The following DIP2B variants were observed in gnomAD, a reference collection of about 807,000 sequenced individuals.
The protein encoded by DIP2B is DIP2 acetate--CoA ligase B (putative), also known as disco-interacting protein 2 homolog B.
Under a neutral mutation model 198.0 loss-of-function variants are expected in DIP2B, and 76 were observed. The ratio of observed to expected loss-of-function variants is 0.38; its 90% CI spans 0.32 to 0.46. DIP2B has a LOEUF of 0.46. Ranked by LOEUF, DIP2B falls within the 20% of genes least tolerant of loss-of-function variation. The probability of loss-of-function intolerance (pLI) is 0.99; values close to 1 mark genes in which losing one functional copy is unlikely to be tolerated. For missense variants in DIP2B, 1,559 were observed against 1,978.4 expected, an observed-to-expected ratio of 0.79 and a Z score of 4.02; for synonymous variants, 701 against 739.1, an observed-to-expected ratio of 0.95 and a Z score of 0.84.
At chr12:50,682,990 C>A in intron 9 of DIP2B, 148 bp from the exon 10 acceptor site, 1 of 645,074 alleles carries the variant, frequency 1.6e-6, no homozygotes, top group Non-Finnish European at 2.5e-6. Context: ...GTCTCTATCT[C>A]AGTAACTTAA....
chr12:50,512,984 G>A (rs2139341720), intron 1 of DIP2B, among the ~76,000 whole-genome samples: 1 of 152,310 alleles, frequency 6.6e-6, no homozygotes, highest in Admixed American at 6.5e-5. Flanking sequence ...TCCAGCCTGG[G>A]CGACAGAGCG....
In DIP2B at chr12:50,627,176, C is replaced by T. The variant is rs115476984; in HGVS notation, c.172+1129C>T. Among the ~76,000 whole-genome samples, 1,082 of 152,214 alleles carry T rather than the reference C, an allele frequency of 7.1e-3. 16 individuals carry two copies. The highest frequency in any genetic ancestry group is 0.025 in the African/African-American group (1,042 of 41,532). ...GATTTGCTGCTTATTGTGGATCTGG[C>T]CCATGCCTCTGAAGGCCCAGAGATT... On this transcript the variant is annotated intron_variant, in intron 2 of 37. Coordinates refer to ENST00000301180, the MANE Select transcript of DIP2B (RefSeq NM_173602.3).
At chr12:50,523,671 A>G (rs1422174190) in intron 1 of DIP2B, among the ~76,000 whole-genome samples, 1 of 152,220 alleles carries the variant, frequency 6.6e-6, no homozygotes, top group Non-Finnish European at 1.5e-5. Context: ...TTCTAAAGTT[A>G]CTGTATTCAA....
At chr12:50,563,963 C>T (rs1457932948) in intron 1 of DIP2B, among the ~76,000 whole-genome samples, 1 of 151,998 alleles carries the variant, frequency 6.6e-6, no homozygotes, top group African/African-American at 2.4e-5. Flanking sequence ...TTGGTCTGTG[C>T]AAGTCCTCTC....
intron 10 of DIP2B, among the ~76,000 whole-genome samples, chr12:50,683,831 A>G (rs1376008787): frequency 1.3e-5 from 2 of 151,130 alleles, no homozygotes; most frequent in East Asian, 3.9e-4. Context: ...CACTGGGGCA[A>G]CTGGACATGG....
chr12:50,589,829 A>G (rs1177868522), intron 1 of DIP2B, among the ~76,000 whole-genome samples: 1 of 152,154 alleles, frequency 6.6e-6, no homozygotes, highest in Admixed American at 6.5e-5. Context: ...AAATTAAGAG[A>G]GGTTAAGAGA....
At chr12:50,742,831 G>A (rs1456067202) in intron 37 of DIP2B, among the ~76,000 whole-genome samples, 2 of 152,118 alleles carry the variant, frequency 1.3e-5, no homozygotes, top group Non-Finnish European at 2.9e-5. Flanking sequence ...GGGAGGCGGA[G>A]GTTGCAATGG....
chr12:50,562,153 A>C (rs537186325), intron 1 of DIP2B, among the ~76,000 whole-genome samples: 5 of 152,278 alleles, frequency 3.3e-5, no homozygotes, highest in Admixed American at 1.3e-4. Context: ...CAGGCTTTGG[A>C]ATACAAAGAG....
rs1938986913 is a variant in DIP2B, at chr12:50,678,595, G to A, written c.917-84G>A. The A allele has an allele frequency of 2.9e-6, 4 of 1,394,340 alleles. No individual in the cohort carries two copies. The Admixed American group carries it at 8.6e-5, about 30-fold the overall frequency. The allele number at this position is 1,394,340 out of a possible 1,614,324, so 86.4% of individuals were successfully genotyped here. A position where few individuals can be genotyped will look rare whatever the true frequency, so the allele number is the denominator to read the frequency against. On this transcript the variant is annotated intron_variant, in intron 7 of 37. Coordinates refer to ENST00000301180, the MANE Select transcript of DIP2B (RefSeq NM_173602.3). ...AAACCAGGTAAATATGAAGTGAAAA[G>A]GAAGATGCAGTTGAGATTAGAGACC...
chr12:50,597,013 T>C (rs781717947), intron 1 of DIP2B, among the ~76,000 whole-genome samples: 6 of 152,186 alleles, frequency 3.9e-5, no homozygotes, highest in Non-Finnish European at 5.9e-5. Context: ...ATAATTTAGT[T>C]TTTTTGTTAT....
chr12:50,564,789 T>C (rs1958549155), intron 1 of DIP2B, among the ~76,000 whole-genome samples: 1 of 152,188 alleles, frequency 6.6e-6, no homozygotes, highest in African/African-American at 2.4e-5. Context: ...TGAGTAGGGC[T>C]TAATTTTGAT....
intron 1 of DIP2B, among the ~76,000 whole-genome samples, chr12:50,592,589 T>A (rs1175323941): frequency 6.6e-6 from 1 of 152,176 alleles, no homozygotes; most frequent in African/African-American, 2.4e-5. Context: ...GCAATTCTCC[T>A]GCCTCAGCCT....
At chr12:50,620,652 A>G (rs1179147749) in intron 1 of DIP2B, among the ~76,000 whole-genome samples, 1 of 152,200 alleles carries the variant, frequency 6.6e-6, no homozygotes, top group Non-Finnish European at 1.5e-5. Context: ...AAACTTGAAC[A>G]ACAGGTTTAC....
chr12:50,647,996 T>G (rs959924916), intron 3 of DIP2B, among the ~76,000 whole-genome samples: 7 of 151,994 alleles, frequency 4.6e-5, no homozygotes, highest in Non-Finnish European at 4.4e-5. Context: ...GTACCAGCTA[T>G]GCGAGAGACT....
At position 50,746,190 on chromosome 12, in the gene DIP2B, A is replaced by G. The variant is rs1940338956; in HGVS notation, c.*1351A>G. 1 of 152,242 alleles carries G rather than the reference A, an allele frequency of 6.6e-6. No homozygotes were observed. Among genetic ancestry groups the G allele is most frequent in the African/African-American group, 2.4e-5 (1 of 41,464 alleles). 9.4% of individuals were successfully genotyped at this position (152,242 alleles called of 1,614,324 possible). ...TTTCCTTTCTTTGGTCTGATACTTC[A>G]TGTATTTGAATATAGTTAAATCGTA... On this transcript the variant is annotated 3_prime_UTR_variant, in exon 38 of 38. Transcript: ENST00000301180.
intron 22 of DIP2B, among the ~76,000 whole-genome samples, chr12:50,711,342 A>G (rs1939610600): frequency 6.6e-6 from 1 of 152,202 alleles, no homozygotes; most frequent in South Asian, 2.1e-4. Context: ...TTCTAAGGAA[A>G]GGCAGTTAGT....
At chr12:50,697,006 T>G in intron 16 of DIP2B, 55 bp from the exon 17 acceptor site, 1 of 1,328,596 alleles carries the variant, frequency 7.5e-7, no homozygotes. Context: ...ACCATTTTCC[T>G]ACAGTAATGA....
intron 1 of DIP2B, among the ~76,000 whole-genome samples, chr12:50,589,988 C>CTCTCTCTCTCTCACTTTCTCTG (rs2139428307): frequency 6.6e-6 from 1 of 151,898 alleles, no homozygotes; most frequent in South Asian, 2.1e-4. Flanking sequence ...TCCTGTTTCT[C>CTCTCTCTCTCTCACTTTCTCTG]TCTCTCTCTC....
In DIP2B at chr12:50,713,715, G is replaced by A. The variant is rs139518487; in HGVS notation, c.2650-680G>A. Among the ~76,000 whole-genome samples, 590 of 152,256 alleles carry A rather than the reference G, an allele frequency of 3.9e-3. 5 individuals are homozygous for A. The highest frequency in any genetic ancestry group is 0.013 in the African/African-American group (553 of 41,554). On this transcript the variant is annotated intron_variant, in intron 22 of 37. Coordinates refer to ENST00000301180, the MANE Select transcript of DIP2B (RefSeq NM_173602.3). Reference sequence around the variant, plus strand: ...TACTTCTGTTTAATTAGGCTTTGTTGGCTGATAGCTAAAAGATTAAAAGAA... The same window carrying A: ...TACTTCTGTTTAATTAGGCTTTGTTAGCTGATAGCTAAAAGATTAAAAGAA...
Sources: allele counts gnomAD v4.1 joint callset (sites outside exome capture counted in the v4.1 genomes callset), GRCh38; gene constraint gnomAD v4.1.1; transcripts MANE v1.5; gene names NCBI Gene and HGNC (gene_info 2026-07-23, HGNC 2026-07-21).